Variants in SNX13 observed in about 807,000 individuals in gnomAD.
The protein encoded by SNX13 is sorting nexin-13.
In SNX13, 45 loss-of-function variants were observed where a neutral mutation model predicts 133.6. The observed-to-expected ratio is 0.34, with a 90% confidence interval of 0.27 to 0.43. SNX13 has a LOEUF of 0.43. Among genes scored for constraint, SNX13 ranks in the 20% least tolerant of loss-of-function variants. The pLI is 1.00. For synonymous variants in SNX13, 414 were observed against 373.9 expected (o/e 1.11, Z -1.24); for missense variants, 1,032 against 1,145.1 (o/e 0.90, Z 1.43).
chr7:17,930,218 G>A (rs887553732), intron 1 of SNX13, among the ~76,000 whole-genome samples: 1 of 152,154 alleles, frequency 6.6e-6, no homozygotes, highest in Non-Finnish European at 1.5e-5. Flanking sequence ...AACCCTATGA[G>A]GTCAGTACCA....
At position 17,893,240 on chromosome 7, in the gene SNX13, G is replaced by A. The variant is rs540010748; in HGVS notation, c.228+92C>T. On this transcript the variant is annotated intron_variant, in intron 3 of 25. Coordinates refer to ENST00000428135, the MANE Select transcript of SNX13 (RefSeq NM_015132.5). ...CCCAGTGAGCATTAGTAAACTATACGAAAATTTGTCACGCTATATATACAG... is the reference window on the plus strand; with the variant it reads ...CCCAGTGAGCATTAGTAAACTATACAAAAATTTGTCACGCTATATATACAG... 2.5e-4 allele frequency: 198 copies of A among 790,804 alleles called. No homozygotes were observed. In the African/African-American group the frequency reaches 3.1e-3, roughly 12 times the overall value. 49.0% of individuals were successfully genotyped at this position (790,804 alleles called of 1,614,324 possible).
intron 1 of SNX13, among the ~76,000 whole-genome samples, chr7:17,938,239 CAAGG>C (rs1802335329): frequency 6.6e-6 from 1 of 152,098 alleles, no homozygotes; most frequent in African/African-American, 2.4e-5. Flanking sequence ...AATATTCAGA[CAAGG>C]AAGTACAATA....
chr7:17,830,123 A>C, intron 15 of SNX13, 76 bp from the exon 16 acceptor site: 1 of 1,312,872 alleles, frequency 7.6e-7, no homozygotes, highest in Non-Finnish European at 1.0e-6. Flanking sequence ...TCAAACACTA[A>C]GAATGAAAGT....
At chr7:17,908,086 G>A (rs1798584961) in intron 1 of SNX13, among the ~76,000 whole-genome samples, 1 of 152,108 alleles carries the variant, frequency 6.6e-6, no homozygotes, top group Non-Finnish European at 1.5e-5. Flanking sequence ...GATCCCAAAT[G>A]TTTCCTATAT....
At chr7:17,936,839 A>G (rs1802092151) in intron 1 of SNX13, among the ~76,000 whole-genome samples, 3 of 151,514 alleles carry the variant, frequency 2.0e-5, no homozygotes, top group Admixed American at 1.3e-4. Flanking sequence ...AAAAAAAAAA[A>G]GAAAAAAAAA....
At chr7:17,878,801 C>T (rs143234200) in intron 5 of SNX13, among the ~76,000 whole-genome samples, 204 of 152,284 alleles carry the variant, frequency 1.3e-3, no homozygotes, top group African/African-American at 4.5e-3. Context: ...TCACCCTCTC[C>T]CTTCCTCTTT....
At chr7:17,886,798 A>G (rs185670548) in intron 5 of SNX13, among the ~76,000 whole-genome samples, 51 of 152,220 alleles carry the variant, frequency 3.4e-4, no homozygotes, top group African/African-American at 1.2e-3. Flanking sequence ...ATCTATCCAA[A>G]TAACCCATTC....
At chr7:17,841,044 C>T (rs1789807279) in intron 12 of SNX13, among the ~76,000 whole-genome samples, 1 of 152,092 alleles carries the variant, frequency 6.6e-6, no homozygotes, top group Non-Finnish European at 1.5e-5. Context: ...TTAGCTTGTA[C>T]ACAGCAAGTA....
intron 1 of SNX13, among the ~76,000 whole-genome samples, chr7:17,907,829 G>T (rs1238372094): frequency 6.6e-6 from 1 of 152,264 alleles, no homozygotes; most frequent in Non-Finnish European, 1.5e-5. Context: ...TTAAGCAGAA[G>T]AAAGCTTGCA....
intron 7 of SNX13, 40 bp downstream of exon 7, chr7:17,875,440 G>A: frequency 6.5e-7 from 1 of 1,549,076 alleles, no homozygotes; most frequent in Non-Finnish European, 8.8e-7. Context: ...CTTGACTCTA[G>A]CCAGCTACTA....
In SNX13 at chr7:17,897,327, T is replaced by C. The variant is rs1300293058; in HGVS notation, c.125+7A>G. 2.7e-6 allele frequency: 4 copies of C among 1,466,760 alleles called. No homozygotes were observed. The highest frequency in any genetic ancestry group is 2.8e-6 in the Non-Finnish European group (3 of 1,079,654). 90.9% of individuals were successfully genotyped at this position (1,466,760 alleles called of 1,614,324 possible). A position where few individuals can be genotyped will look rare whatever the true frequency, so the allele number is the denominator to read the frequency against. ...TGAATTATAAAATTATAATTGAGTATACTTACCCACCCACAAAGCAGAGGA... is the reference window on the plus strand; with the variant it reads ...TGAATTATAAAATTATAATTGAGTACACTTACCCACCCACAAAGCAGAGGA... On this transcript the variant is annotated splice_region_variant and intron_variant, in intron 2 of 25. Coordinates refer to ENST00000428135, the MANE Select transcript of SNX13 (RefSeq NM_015132.5).
chr7:17,928,515 A>T (rs1458213890), intron 1 of SNX13, among the ~76,000 whole-genome samples: 3 of 152,204 alleles, frequency 2.0e-5, no homozygotes, highest in Non-Finnish European at 4.4e-5. Flanking sequence ...ATGTTCTTGA[A>T]CCATTACTTT....
At chr7:17,929,064 G>A (rs186511328) in intron 1 of SNX13, among the ~76,000 whole-genome samples, 1 of 152,152 alleles carries the variant, frequency 6.6e-6, no homozygotes, top group Admixed American at 6.5e-5. Flanking sequence ...TTGAGAAGGG[G>A]TAGAAAGATT....
At chr7:17,876,748 G>T (rs1794771537) in intron 5 of SNX13, among the ~76,000 whole-genome samples, 1 of 151,932 alleles carries the variant, frequency 6.6e-6, no homozygotes, top group Non-Finnish European at 1.5e-5. Context: ...GACCTCAAAA[G>T]ATACTGTTAA....
Position 17,845,587 on chromosome 7 carries a change from C to T in SNX13, c.1165+8G>A, listed in dbSNP as rs1487404922. 6.5e-7 allele frequency: 1 copy of T among 1,539,096 alleles called. No homozygotes were observed. The highest frequency in any genetic ancestry group is 8.8e-7 in the Non-Finnish European group (1 of 1,134,874). On this transcript the variant is annotated splice_region_variant and intron_variant, in intron 12 of 25. Coordinates refer to ENST00000428135, the MANE Select transcript of SNX13 (RefSeq NM_015132.5). The stretch of plus-strand genomic sequence containing the variant: ...GCTGTATCATTTAAATAGAATTGAT[C>T]TACCTACCCATAAAAAATTGTAGTG...
At position 17,871,106 on chromosome 7, in the gene SNX13, T is replaced by C. The variant is rs185345449; in HGVS notation, c.753+2422A>G. On this transcript the variant is annotated intron_variant, in intron 8 of 25. Transcript: ENST00000428135. ...CTGCAAGCTCCGCCTCCCGGGTTCATGCCATTCTCCTGCCTCAGCCTCCCG... is the reference window on the plus strand; with the variant it reads ...CTGCAAGCTCCGCCTCCCGGGTTCACGCCATTCTCCTGCCTCAGCCTCCCG... 2.8e-3 allele frequency among the ~76,000 whole-genome samples: 432 copies of C among 151,788 alleles called. 4 individuals are homozygous for C. Among genetic ancestry groups the C allele is most frequent in the East Asian group, 0.01 (52 of 5,142 alleles).
chr7:17,887,577 A>C (rs1796149262), intron 5 of SNX13, among the ~76,000 whole-genome samples: 1 of 152,240 alleles, frequency 6.6e-6, no homozygotes, highest in South Asian at 2.1e-4. Context: ...AGGAGATATA[A>C]GTTATCATCT....
chr7:17,897,170 A>G (rs1174339847), intron 2 of SNX13, among the ~76,000 whole-genome samples, 164 bp downstream of exon 2: 1 of 152,046 alleles, frequency 6.6e-6, no homozygotes, highest in African/African-American at 2.4e-5. Flanking sequence ...AATGACAATC[A>G]CTGTTTTTAT....
chr7:17,795,979 A>G (rs2128282240), intron 25 of SNX13: 1 of 151,868 alleles, frequency 6.6e-6, no homozygotes, highest in South Asian at 2.1e-4. Flanking sequence ...ACAGGTAAGA[A>G]AACAAAATTA....
Sources: gnomAD v4.1 joint callset for allele counts (sites outside exome capture counted in the v4.1 genomes callset) on GRCh38, gnomAD v4.1.1 for gene constraint, MANE v1.5 for transcripts, NCBI Gene and HGNC (gene_info 2026-07-23, HGNC 2026-07-21) for gene names.